ESD: variants seen among roughly 807,000 people sequenced by gnomAD.
ESD encodes esterase D, also known as S-formylglutathione hydrolase.
A neutral mutation model predicts 38.1 loss-of-function variants in ESD; 34 were observed. The observed-to-expected ratio is 0.89, with a 90% CI of 0.68 to 1.19. The LOEUF (loss-of-function observed/expected upper bound fraction) is 1.19. Among genes scored for constraint, ESD ranks in the 50% most tolerant of loss-of-function variants. The pLI is 0.00. For synonymous variants in ESD, 97 were observed against 107.0 expected, an observed-to-expected ratio of 0.91 and a Z score of 0.58; for missense variants, 334 against 327.2, an observed-to-expected ratio of 1.02 and a Z score of -0.16.
chr13:46,791,120 A>G (rs1212011493), intron 3 of ESD, among the ~76,000 whole-genome samples: 2 of 152,188 alleles, frequency 1.3e-5, no homozygotes, highest in East Asian at 3.8e-4. Flanking sequence ...GAAGAGCATC[A>G]TGTCAAAGCT....
intron 6 of ESD, 80 bp downstream of exon 6, chr13:46,782,587 C>T: frequency 3.3e-6 from 5 of 1,497,860 alleles, no homozygotes; most frequent in East Asian, 4.6e-5. Flanking sequence ...GTTTAAAATC[C>T]TCAGGATTGT....
intron 3 of ESD, among the ~76,000 whole-genome samples, chr13:46,787,801 A>T (rs1875247659): frequency 6.6e-6 from 1 of 151,932 alleles, no homozygotes; most frequent in South Asian, 2.1e-4. Flanking sequence ...AACTAAATAT[A>T]TATAAAAACT....
intron 9 of ESD, among the ~76,000 whole-genome samples, chr13:46,772,282 A>G (rs866926447): frequency 2.0e-5 from 3 of 152,220 alleles, no homozygotes; most frequent in Middle Eastern, 3.2e-3. Flanking sequence ...AAGTTGAAAG[A>G]GATTTCTATC....
At chr13:46,783,273 A>C (rs73472032) in intron 5 of ESD, among the ~76,000 whole-genome samples, 2,842 of 152,012 alleles carry the variant, frequency 0.019, 104 homozygotes, top group African/African-American at 0.065. Context: ...TGAACTGAAA[A>C]TGTTTTCTAA....
intron 3 of ESD, among the ~76,000 whole-genome samples, chr13:46,787,853 C>T (rs914119344): frequency 1.3e-5 from 2 of 151,888 alleles, no homozygotes; most frequent in Admixed American, 6.6e-5. Flanking sequence ...TTTCCATATT[C>T]CAGAGATAAT....
At chr13:46,781,977 A>G (rs1201503226) in intron 6 of ESD, among the ~76,000 whole-genome samples, 1 of 151,874 alleles carries the variant, frequency 6.6e-6, no homozygotes, top group East Asian at 1.9e-4. Context: ...AATATTTATT[A>G]GGGTAAAAAC....
chr13:46,771,834 G>A (rs1316780990), intron 9 of ESD, among the ~76,000 whole-genome samples: 1 of 152,024 alleles, frequency 6.6e-6, no homozygotes, highest in Admixed American at 6.6e-5. Flanking sequence ...ACACTGTAGA[G>A]TGCATTAAAT....
At chr13:46,787,727 G>A (rs1320032892) in intron 3 of ESD, among the ~76,000 whole-genome samples, 1 of 151,868 alleles carries the variant, frequency 6.6e-6, no homozygotes, top group African/African-American at 2.4e-5. Context: ...TCAAAGTTAT[G>A]TAAGTACATA....
Position 46,782,700 on chromosome 13 carries a change from G to C in ESD, c.348C>G (p.Thr116=). The C allele has an allele frequency of 6.2e-7, 1 of 1,612,118 alleles. No homozygotes were observed. The highest frequency in any genetic ancestry group is 8.5e-7 in the Non-Finnish European group (1 of 1,178,730). ...YVDATEDPWK[T]NYRMYSYVTE... ...TGACATAAGAGTACATTCTGTAGTT[G>C]GTTTTCCAAGGATCTTCAGTGGCAT... The change falls in exon 6 of 10, where the codon ACC becomes ACG. Residue 116 remains threonine (T), a synonymous_variant. Coordinates refer to ENST00000378720, the MANE Select transcript of ESD (RefSeq NM_001984.2).
chr13:46,787,432 T>A (rs1875233390), intron 3 of ESD, among the ~76,000 whole-genome samples: 1 of 151,956 alleles, frequency 6.6e-6, no homozygotes. Flanking sequence ...TCTAAAGAAA[T>A]GTATGAAATG....
chr13:46,785,929 G>A (rs574653792), intron 4 of ESD, among the ~76,000 whole-genome samples: 1 of 151,996 alleles, frequency 6.6e-6, no homozygotes, highest in Admixed American at 6.6e-5. Context: ...AACAACAGGA[G>A]AAAAAACTAA....
chr13:46,790,294 T>A (rs1192383328), intron 3 of ESD, among the ~76,000 whole-genome samples: 1 of 152,094 alleles, frequency 6.6e-6, no homozygotes, highest in African/African-American at 2.4e-5. Flanking sequence ...AGAGAAACAC[T>A]AAAAATCTAG....
chr13:46,790,103 A>C (rs1028054956), intron 3 of ESD, among the ~76,000 whole-genome samples: 1 of 151,606 alleles, frequency 6.6e-6, no homozygotes, highest in African/African-American at 2.4e-5. Context: ...TGGCCTCCCA[A>C]AGTGTTAGTA....
At chr13:46,787,156 TC>T in intron 3 of ESD, 47 bp from the exon 4 acceptor site, 1 of 1,106,458 alleles carries the variant, frequency 9.0e-7, no homozygotes, top group African/African-American at 1.6e-5. Flanking sequence ...CCCTCATTAA[TC>T]AATACAGAAA....
chr13:46,771,830 T>C lies in ESD; in HGVS notation c.769-334A>G, dbSNP rs1303030122. On this transcript the variant is annotated intron_variant, in intron 9 of 9. Coordinates refer to ENST00000378720, the MANE Select transcript of ESD (RefSeq NM_001984.2). ...GAGTAGACATGTCATATCAACACTG[T>C]AGAGTGCATTAAATATGCAGAGTAG... Among the ~76,000 whole-genome samples the C allele has an allele frequency of 7.2e-5, 11 of 151,970 alleles. No homozygotes were observed. The East Asian group carries it at 1.9e-3, about 27-fold the overall frequency.
chr13:46,789,652 T>C (rs894324677), intron 3 of ESD, among the ~76,000 whole-genome samples: 2 of 152,126 alleles, frequency 1.3e-5, no homozygotes, highest in Non-Finnish European at 2.9e-5. Context: ...TCCTAACTTT[T>C]AATGTTGGAT....
chr13:46,777,595 G>T lies in ESD; in HGVS notation c.629C>A (p.Ser210Tyr), dbSNP rs761608369. Residue 210 changes from serine to tyrosine, a missense_variant, in exon 9 of 10, where the codon TCC becomes TAC. Coordinates refer to ENST00000378720, the MANE Select transcript of ESD (RefSeq NM_001984.2). ...TATGTCCAGCTGAGATCCTGGATAGGATTTCACAAGGTGGGTAGCATCATA... is the reference window on the plus strand; with the variant it reads ...TATGTCCAGCTGAGATCCTGGATAGTATTTCACAAGGTGGGTAGCATCATA... Reference protein sequence around the residue: ...KAYDATHLVKSYPGSQLDILI... With the variant: ...KAYDATHLVKYYPGSQLDILI... The T allele has an allele frequency of 6.2e-7, 1 of 1,606,152 alleles. No individual in the cohort carries two copies. The highest frequency in any genetic ancestry group is 1.1e-5 in the South Asian group (1 of 89,736).
At position 46,793,638 on chromosome 13, in the gene ESD, C is replaced by T. The variant is rs181871827; in HGVS notation, c.-55-194G>A. ...CATAATCTAATTATTTGCCACAGGC[C>T]ACCTTAATACCTATTTTGCCATAAA... is the stretch of plus-strand genomic sequence containing the variant. On this transcript the variant is annotated intron_variant, in intron 1 of 9. Coordinates refer to ENST00000378720, the MANE Select transcript of ESD (RefSeq NM_001984.2). Among the ~76,000 whole-genome samples the T allele has an allele frequency of 1.1e-3, 170 of 152,312 alleles. 1 individual carries two copies. Among genetic ancestry groups the T allele is most frequent in the African/African-American group, 3.9e-3 (163 of 41,574 alleles).
At chr13:46,789,678 C>G (rs1875320957) in intron 3 of ESD, among the ~76,000 whole-genome samples, 1 of 152,098 alleles carries the variant, frequency 6.6e-6, no homozygotes. Context: ...GACTAGTCCT[C>G]TAATTTTGTT....
Sources: allele counts gnomAD v4.1 joint callset (sites outside exome capture counted in the v4.1 genomes callset), GRCh38; gene constraint gnomAD v4.1.1; transcripts MANE v1.5; gene names NCBI Gene and HGNC (gene_info 2026-07-23, HGNC 2026-07-21).